Variants in CSMD1 observed in about 807,000 individuals in gnomAD.
CSMD1 encodes CUB and Sushi multiple domains 1.
CSMD1 carries 213 observed loss-of-function variants against 417.5 expected under a neutral mutation model. The observed-to-expected ratio is 0.51, with a 90% CI of 0.46 to 0.57. The LOEUF is 0.57. Among genes scored for constraint, CSMD1 ranks in the 20% least tolerant of loss-of-function variants. The pLI is 0.00. For synonymous variants in CSMD1, 2,862 were observed against 1,736.8 expected, an observed-to-expected ratio of 1.65 and a Z score of -16.11; for missense variants, 6,923 against 4,529.7, an observed-to-expected ratio of 1.53 and a Z score of -15.17.
chr8:4,274,814 T>C (rs188191329), intron 3 of CSMD1, among the ~76,000 whole-genome samples: 7 of 152,260 alleles, frequency 4.6e-5, no homozygotes, highest in African/African-American at 1.7e-4. Context: ...CTCAACAAAA[T>C]TTATGACTGC....
intron 3 of CSMD1, among the ~76,000 whole-genome samples, chr8:4,124,733 G>T (rs1585367418): frequency 6.6e-6 from 1 of 152,170 alleles, no homozygotes. Flanking sequence ...GCCAGAATGA[G>T]TCACAGCTGC....
intron 3 of CSMD1, among the ~76,000 whole-genome samples, chr8:4,067,675 T>A (rs760237241): frequency 7.9e-5 from 12 of 152,192 alleles, no homozygotes; most frequent in African/African-American, 2.4e-4. Flanking sequence ...TCTCACCACC[T>A]AACTTGTCCT....
chr8:3,626,372 T>A (rs1796494230), intron 7 of CSMD1, among the ~76,000 whole-genome samples: 1 of 152,168 alleles, frequency 6.6e-6, no homozygotes, highest in Admixed American at 6.5e-5. Flanking sequence ...CTCCTCACAG[T>A]GAAAGTAGCA....
At chr8:3,497,466 G>C (rs535547500) in intron 10 of CSMD1, among the ~76,000 whole-genome samples, 1 of 152,022 alleles carries the variant, frequency 6.6e-6, no homozygotes, top group East Asian at 1.9e-4. Context: ...GAGTGCAGTG[G>C]TGCAATCTCA....
intron 3 of CSMD1, among the ~76,000 whole-genome samples, chr8:4,219,693 A>T (rs1021495817): frequency 1.3e-5 from 2 of 152,336 alleles, no homozygotes; most frequent in Non-Finnish European, 2.9e-5. Context: ...ACAAGTCAAG[A>T]GTTTAAATAT....
At chr8:3,691,179 C>T (rs1291927835) in intron 7 of CSMD1, among the ~76,000 whole-genome samples, 5 of 152,028 alleles carry the variant, frequency 3.3e-5, no homozygotes, top group African/African-American at 9.6e-5. Context: ...CCAGCGTGAC[C>T]AACATGGTGA....
At chr8:3,902,795 T>G (rs1274517129) in intron 5 of CSMD1, among the ~76,000 whole-genome samples, 2 of 152,136 alleles carry the variant, frequency 1.3e-5, no homozygotes, top group African/African-American at 4.8e-5. Context: ...CTTTGCAACA[T>G]TTTATGAGAA....
At chr8:3,561,401 G>T (rs576281139) in intron 10 of CSMD1, among the ~76,000 whole-genome samples, 7 of 152,272 alleles carry the variant, frequency 4.6e-5, no homozygotes, top group African/African-American at 1.2e-4. Context: ...AACAATGGTT[G>T]ATCAGATAAA....
chr8:4,442,675 T>G (rs1011568435), intron 2 of CSMD1, among the ~76,000 whole-genome samples: 33 of 152,214 alleles, frequency 2.2e-4, no homozygotes, highest in African/African-American at 8.0e-4. Flanking sequence ...GACTTTCCCT[T>G]ATTCAATGTC....
intron 1 of CSMD1, among the ~76,000 whole-genome samples, chr8:4,761,904 T>TATCTATCTATCA (rs1812123065): frequency 3.3e-5 from 3 of 91,474 alleles, no homozygotes; most frequent in African/African-American, 1.2e-4. Context: ...CCTATCTATC[T>TATCTATCTATCA]ATCTATCAAT....
chr8:4,352,611 A>C (rs926828890), intron 3 of CSMD1, among the ~76,000 whole-genome samples: 8 of 152,224 alleles, frequency 5.3e-5, no homozygotes, highest in Admixed American at 5.2e-4. Flanking sequence ...GAGAAAAGTC[A>C]TTTGCCCCGA....
chr8:4,354,209 C>A (rs1375523550), intron 3 of CSMD1, among the ~76,000 whole-genome samples: 1 of 152,124 alleles, frequency 6.6e-6, no homozygotes, highest in African/African-American at 2.4e-5. Flanking sequence ...CAGAGATTAC[C>A]ACCCTGAGCC....
chr8:3,199,136 T>G (rs1796857803), intron 33 of CSMD1, among the ~76,000 whole-genome samples: 1 of 152,180 alleles, frequency 6.6e-6, no homozygotes, highest in Admixed American at 6.5e-5. Context: ...TTGAGCAATC[T>G]CAAATATTTT....
At chr8:3,502,520 T>C (rs1208517696) in intron 10 of CSMD1, among the ~76,000 whole-genome samples, 1 of 152,140 alleles carries the variant, frequency 6.6e-6, no homozygotes, top group East Asian at 1.9e-4. Context: ...AGTGGAATAT[T>C]ATTCAGGGCT....
intron 12 of CSMD1, among the ~76,000 whole-genome samples, chr8:3,430,561 C>A (rs985595508): frequency 1.3e-5 from 2 of 152,146 alleles, no homozygotes; most frequent in African/African-American, 2.4e-5. Context: ...AATCTCAGCA[C>A]CTTGGGAAGC....
intron 2 of CSMD1, among the ~76,000 whole-genome samples, chr8:4,607,366 G>A (rs1022073188): frequency 1.3e-5 from 2 of 152,152 alleles, no homozygotes. Context: ...TTCTGAGACA[G>A]GAATAATACG....
intron 3 of CSMD1, among the ~76,000 whole-genome samples, chr8:4,245,035 C>T (rs771121792): frequency 2.0e-5 from 3 of 152,130 alleles, no homozygotes; most frequent in Admixed American, 6.5e-5. Context: ...AACTATAAAA[C>T]CACCATTCAT....
chr8:4,534,663 C>T lies in CSMD1; in HGVS notation c.302+102679G>A, dbSNP rs1797009086. Among the ~76,000 whole-genome samples, 3 of 152,126 alleles carry T rather than the reference C, an allele frequency of 2.0e-5. No homozygotes were observed. The South Asian group carries it at 6.2e-4, about 32-fold the overall frequency. ...GCCATGTGTGCTCAGTGTTTAGTTC[C>T]CAGTTATAAGTGAGAACATGTGGTA... is the stretch of plus-strand genomic sequence containing the variant. On this transcript the variant is annotated intron_variant, in intron 2 of 69. Transcript: ENST00000635120.
At chr8:4,049,904 G>A (rs114522667) in intron 3 of CSMD1, among the ~76,000 whole-genome samples, 1 of 48,008 alleles carries the variant, frequency 2.1e-5, no homozygotes, top group African/African-American at 1.1e-4. Context: ...TTCGCTTTCT[G>A]TTTCAGGAAT....
Sources: allele counts gnomAD v4.1 joint callset (sites outside exome capture counted in the v4.1 genomes callset), GRCh38; gene constraint gnomAD v4.1.1; transcripts MANE v1.5; gene names NCBI Gene and HGNC (gene_info 2026-07-23, HGNC 2026-07-21).